TXNRD2: variants seen among roughly 807,000 people sequenced by gnomAD.
The protein encoded by TXNRD2 is thioredoxin reductase 2, mitochondrial.
TXNRD2 carries 67 observed loss-of-function variants against 70.8 expected under a neutral mutation model. That is an observed-to-expected ratio of 0.95 (90% confidence interval 0.78 to 1.16). TXNRD2 has a LOEUF of 1.16. Among genes scored for constraint, TXNRD2 ranks in the 50% most tolerant of loss-of-function variants. TXNRD2 has a pLI of 0.00. For synonymous variants in TXNRD2, 301 were observed against 295.8 expected, an observed-to-expected ratio of 1.02 and a Z score of -0.18; for missense variants, 644 against 719.9, an observed-to-expected ratio of 0.89 and a Z score of 1.21.
At chr22:19,932,890 T>A (rs1193282272) in intron 1 of TXNRD2, among the ~76,000 whole-genome samples, 1 of 152,170 alleles carries the variant, frequency 6.6e-6, no homozygotes, top group Non-Finnish European at 1.5e-5. Context: ...TGCAGCCACC[T>A]CCACCTTCCT....
intron 13 of TXNRD2, 115 bp downstream of exon 13, chr22:19,880,507 G>T: frequency 1.0e-6 from 1 of 982,472 alleles, no homozygotes. Context: ...GCACACACAC[G>T]CATGCCCACA....
intron 12 of TXNRD2, among the ~76,000 whole-genome samples, chr22:19,882,042 C>T (rs777991112): frequency 1.3e-5 from 2 of 151,952 alleles, no homozygotes; most frequent in Non-Finnish European, 2.9e-5. Flanking sequence ...ACCCTAAGTC[C>T]AATTGCAGAG....
intron 11 of TXNRD2, among the ~76,000 whole-genome samples, chr22:19,888,766 C>T (rs757553529): frequency 2.0e-4 from 30 of 152,214 alleles, no homozygotes; most frequent in Admixed American, 5.2e-4. Context: ...GCCACCCTCA[C>T]GGGGCCTGGC....
chr22:19,878,169 G>A lies in TXNRD2; in HGVS notation c.1366C>T (p.Pro456Ser). ...TGCAGGCCCAGCACCAGCTGTGGGG[G>A]CTCCCTCAGGCACACCATCTGAAAG... ...CYVKMVCLRE[P>S]PQLVLGLHFL... Residue 456 changes from proline to serine, a missense_variant, in exon 16 of 18, where the codon CCC (proline) becomes TCC (serine). By Grantham distance (74) the Pro-to-Ser change is moderately conservative. This residue lies in a region of TXNRD2 where 566 missense variants were observed against 645.0 expected (regional missense o/e 0.88). Coordinates refer to ENST00000400521, the MANE Select transcript of TXNRD2 (RefSeq NM_006440.5). The A allele has an allele frequency of 6.2e-7, 1 of 1,613,168 alleles. No homozygotes were observed. Among genetic ancestry groups the A allele is most frequent in the Non-Finnish European group, 8.5e-7 (1 of 1,179,992 alleles).
intron 8 of TXNRD2, among the ~76,000 whole-genome samples, chr22:19,902,440 C>T (rs1432715044): frequency 6.6e-6 from 1 of 152,210 alleles, no homozygotes; most frequent in African/African-American, 2.4e-5. Flanking sequence ...GGCCTGCTCT[C>T]CAGAGGGAAT....
At chr22:19,892,049 T>C (rs1442997437) in intron 11 of TXNRD2, among the ~76,000 whole-genome samples, 1 of 152,170 alleles carries the variant, frequency 6.6e-6, no homozygotes, top group Admixed American at 6.5e-5. Flanking sequence ...TCTGTGTGTG[T>C]GTGCACCGGG....
At chr22:19,895,364 C>G in intron 11 of TXNRD2, 43 bp downstream of exon 11, 1 of 1,612,914 alleles carries the variant, frequency 6.2e-7, no homozygotes. Flanking sequence ...CCATGCACCT[C>G]GGGGAGACCA....
Position 19,918,173 on chromosome 22 carries a change from T to C in TXNRD2, c.419A>G (p.Asn140Ser), listed in dbSNP as rs747049245. Residue 140 changes from asparagine to serine, a missense_variant, in exon 5 of 18, where the codon AAC (asparagine) becomes AGC (serine). Around this residue, in one of 3 missense-constraint regions of TXNRD2, gnomAD observed 566 missense variants for 645.0 expected, o/e 0.88. Coordinates refer to ENST00000400521, the MANE Select transcript of TXNRD2 (RefSeq NM_006440.5). ...CTGAAGCTGGACACGGTGGCCCCAGTTCAAGGATTTCACGTGATTTTGAAC... is the reference window on the plus strand; with the variant it reads ...CTGAAGCTGGACACGGTGGCCCCAGCTCAAGGATTTCACGTGATTTTGAAC... Reference protein sequence around the residue: ...EAVQNHVKSLNWGHRVQLQDR... With the variant: ...EAVQNHVKSLSWGHRVQLQDR... 6.2e-7 allele frequency: 1 copy of C among 1,614,028 alleles called. No individual in the cohort carries two copies.
At position 19,904,890 on chromosome 22, in the gene TXNRD2, G is replaced by A. The variant is rs59478564; in HGVS notation, c.663-5822C>T. ...CTCAGGGGCCAGGGGAGCAGCCCCG[G>A]GGTCCATATTAATTTCAGCTCCATT... On this transcript the variant is annotated intron_variant, in intron 8 of 17. Transcript: ENST00000400521. Among the ~76,000 whole-genome samples the A allele has an allele frequency of 9.3e-3, 1,418 of 152,348 alleles. 28 individuals carry two copies. Among genetic ancestry groups the A allele is most frequent in the African/African-American group, 0.032 (1,348 of 41,574 alleles).
intron 2 of TXNRD2, among the ~76,000 whole-genome samples, chr22:19,922,701 T>C (rs1398381699): frequency 2.6e-5 from 4 of 152,162 alleles, no homozygotes; most frequent in East Asian, 1.9e-4. Context: ...TTTTCTCTTT[T>C]TTTGAGATGG....
At position 19,915,064 on chromosome 22, in the gene TXNRD2, G is replaced by C. The variant is rs560686971; in HGVS notation, c.591+150C>G. The stretch of plus-strand genomic sequence containing the variant: ...ACATTTCAGCAGTGTGGATTCAAGA[G>C]AATTGGAAAGCAGAAAGTGATGATA... On this transcript the variant is annotated intron_variant, in intron 7 of 17. Coordinates refer to ENST00000400521, the MANE Select transcript of TXNRD2 (RefSeq NM_006440.5). 68 of 774,292 alleles carry C rather than the reference G, an allele frequency of 8.8e-5. No individual in the cohort carries two copies. The African/African-American group carries it at 1.0e-3, about 12-fold the overall frequency. The allele number at this position is 774,292 out of a possible 1,614,324, so 48.0% of individuals were successfully genotyped here. A position where few individuals can be genotyped will look rare whatever the true frequency, so the allele number is the denominator to read the frequency against.
chr22:19,876,387 A>G (rs933503822), intron 17 of TXNRD2: 11 of 152,308 alleles, frequency 7.2e-5, no homozygotes, highest in African/African-American at 2.7e-4. Context: ...AGGCCGGAGG[A>G]TGCACTATTA....
At chr22:19,919,658 AG>A in intron 2 of TXNRD2, 59 bp from the exon 3 acceptor site, 1 of 1,463,710 alleles carries the variant, frequency 6.8e-7, no homozygotes, top group Non-Finnish European at 9.1e-7. Context: ...ACTCAAGAAC[AG>A]GCACTCCTCA....
At chr22:19,928,804 C>T (rs747612231) in intron 2 of TXNRD2, among the ~76,000 whole-genome samples, 2 of 151,342 alleles carry the variant, frequency 1.3e-5, no homozygotes, top group African/African-American at 2.4e-5. Context: ...GCCAGAAGTT[C>T]GAGACCAGCT....
At chr22:19,938,399 G>A (rs1192590695) in intron 1 of TXNRD2, among the ~76,000 whole-genome samples, 1 of 152,196 alleles carries the variant, frequency 6.6e-6, no homozygotes, top group Non-Finnish European at 1.5e-5. Context: ...CGGTGAAAAA[G>A]CCGCTTATTG....
chr22:19,932,483 G>A (rs1941404239), intron 1 of TXNRD2: 4 of 1,597,896 alleles, frequency 2.5e-6, no homozygotes, highest in Non-Finnish European at 3.4e-6. Context: ...GCCAAAAAAG[G>A]GAGGGATGGA....
Position 19,941,767 on chromosome 22 carries a change from C to A in TXNRD2, c.37G>T (p.Gly13Trp), listed in dbSNP as rs866182765. 1 of 1,521,920 alleles carries A rather than the reference C, an allele frequency of 6.6e-7. No individual in the cohort carries two copies. Among genetic ancestry groups the A allele is most frequent in the East Asian group, 2.7e-5 (1 of 37,564 alleles). 94.3% of individuals were successfully genotyped at this position (1,521,920 alleles called of 1,614,324 possible). A position where few individuals can be genotyped will look rare whatever the true frequency, so the allele number is the denominator to read the frequency against. Residue 13 changes from glycine to tryptophan, a missense_variant, in exon 1 of 18, where the codon GGG (glycine) becomes TGG (tryptophan). Gly to Trp is a radical substitution (Grantham distance 184, BLOSUM62 -2). This residue lies in a region of TXNRD2 where 71 missense variants were observed against 53.6 expected (regional missense o/e 1.33). Coordinates refer to ENST00000400521, the MANE Select transcript of TXNRD2 (RefSeq NM_006440.5). ...AMAVALRGLG[G>W]RFRWRTQAVA... ...GCCTGCGTCCGCCACCGGAAGCGCC[C>A]TCCTAATCCCCGCAGCGCCACCGCC...
chr22:19,894,477 T>C (rs1465919943), intron 11 of TXNRD2: 1 of 152,672 alleles, frequency 6.5e-6, no homozygotes, highest in Non-Finnish European at 1.5e-5. Flanking sequence ...AACAACAAAC[T>C]AGCTTGGCTG....
intron 1 of TXNRD2, among the ~76,000 whole-genome samples, chr22:19,936,897 G>A (rs1257410072): frequency 6.6e-6 from 1 of 152,168 alleles, no homozygotes; most frequent in African/African-American, 2.4e-5. Flanking sequence ...TAGATTAGAG[G>A]CGTGGGCTTA....
Sources: gnomAD v4.1 joint callset for allele counts (sites outside exome capture counted in the v4.1 genomes callset) on GRCh38, gnomAD v4.1.1 for gene constraint, gnomAD v4.1.1 regional missense constraint, MANE v1.5 for transcripts, NCBI Gene and HGNC (gene_info 2026-07-23, HGNC 2026-07-21) for gene names.